Variants in CTNNA2 observed in about 807,000 individuals in gnomAD.
CTNNA2 encodes the protein catenin alpha-2.
In CTNNA2, 42 loss-of-function variants were observed where a neutral mutation model predicts 101.0. That is an observed-to-expected ratio of 0.42 (90% CI 0.32 to 0.54). CTNNA2 has a LOEUF of 0.54. CTNNA2 is among the 20% of genes least tolerant of loss of function. The probability of loss-of-function intolerance (pLI) is 0.14; values close to 1 mark genes in which losing one functional copy is unlikely to be tolerated. For missense variants in CTNNA2, 871 were observed against 1,223.1 expected (o/e 0.71, Z 4.29); for synonymous variants, 450 against 456.4 (o/e 0.99, Z 0.18).
intron 1 of CTNNA2, among the ~76,000 whole-genome samples, chr2:79,635,785 T>G (rs886945519): frequency 6.6e-6 from 1 of 151,456 alleles, no homozygotes; most frequent in African/African-American, 2.4e-5. Flanking sequence ...ATTACAGGCA[T>G]GAGCCACCGT....
rs189885395 is a variant in CTNNA2, at chr2:79,541,392, G to C, written c.-6+28185G>C. Among the ~76,000 whole-genome samples the C allele has an allele frequency of 2.4e-4, 33 of 135,146 alleles. No homozygotes were observed. In the East Asian group the frequency reaches 7.3e-3, roughly 30 times the overall value. The allele number at this position is 135,146 out of a possible 152,430, so 88.7% of individuals were successfully genotyped here. On this transcript the variant is annotated intron_variant, in intron 1 of 18. Transcript: ENST00000402739. ...TATGTATAAATACATACATATACTT[G>C]TATACATATATACACATACACACAC...
chr2:79,903,540 C>G (rs1159846828), intron 6 of CTNNA2, among the ~76,000 whole-genome samples: 1 of 152,156 alleles, frequency 6.6e-6, no homozygotes, highest in Non-Finnish European at 1.5e-5. Flanking sequence ...CCAACTGCAT[C>G]TCCCATTCCT....
intron 9 of CTNNA2, among the ~76,000 whole-genome samples, chr2:80,505,884 A>C (rs565362589): frequency 2.0e-5 from 3 of 152,258 alleles, no homozygotes; most frequent in South Asian, 4.1e-4. Flanking sequence ...TTTTTTGAGA[A>C]AGCTGCAGCT....
chr2:79,617,186 G>A (rs1678685687), intron 1 of CTNNA2, among the ~76,000 whole-genome samples: 1 of 152,112 alleles, frequency 6.6e-6, no homozygotes, highest in Admixed American at 6.6e-5. Context: ...ACAGGTGTGA[G>A]CCATCGCGTT....
intron 1 of CTNNA2, among the ~76,000 whole-genome samples, chr2:79,185,730 A>C (rs1673769041): frequency 6.6e-6 from 1 of 152,186 alleles, no homozygotes; most frequent in South Asian, 2.1e-4. Context: ...AGTATTTAAT[A>C]AATGTTAATT....
intron 4 of CTNNA2, among the ~76,000 whole-genome samples, chr2:79,389,244 A>G (rs1181800215): frequency 6.6e-6 from 1 of 152,220 alleles, no homozygotes; most frequent in African/African-American, 2.4e-5. Context: ...CCAATTGGAT[A>G]TACTAATTTA....
At chr2:79,309,615 A>G (rs983000072) in intron 2 of CTNNA2, among the ~76,000 whole-genome samples, 2 of 135,790 alleles carry the variant, frequency 1.5e-5, no homozygotes, top group African/African-American at 5.9e-5. Context: ...AGGCTACCAT[A>G]TTTGTGTAAG....
intron 4 of CTNNA2, chr2:79,500,923 C>A (rs1350228712): frequency 1.3e-5 from 2 of 152,222 alleles, no homozygotes; most frequent in Non-Finnish European, 2.9e-5. Flanking sequence ...TCTGATTACA[C>A]CGTTTTGTCA....
In CTNNA2 at chr2:79,539,344, G is replaced by C. The variant is rs35748328; in HGVS notation, c.-6+26137G>C. On this transcript the variant is annotated intron_variant, in intron 1 of 18. Coordinates refer to ENST00000402739, the MANE Select transcript of CTNNA2 (RefSeq NM_001282597.3). Reference sequence around the variant, plus strand: ...AGAGCGTGTTTAGAAAGTGTGAAAGGCCTCGAGAAGGCCATTGGAAATGCT... The same window carrying C: ...AGAGCGTGTTTAGAAAGTGTGAAAGCCCTCGAGAAGGCCATTGGAAATGCT... Among the ~76,000 whole-genome samples, 598 of 152,274 alleles carry C rather than the reference G, an allele frequency of 3.9e-3. 3 individuals are homozygous for C. Among genetic ancestry groups the C allele is most frequent in the African/African-American group, 0.012 (513 of 41,560 alleles).
chr2:80,041,809 A>G (rs1409890797), intron 7 of CTNNA2, among the ~76,000 whole-genome samples: 1 of 152,178 alleles, frequency 6.6e-6, no homozygotes, highest in Non-Finnish European at 1.5e-5. Flanking sequence ...TTGCTTCTAG[A>G]CATGCGGATT....
At chr2:80,569,217 C>T (rs918569716) in intron 12 of CTNNA2, among the ~76,000 whole-genome samples, 2 of 150,068 alleles carry the variant, frequency 1.3e-5, no homozygotes, top group East Asian at 2.0e-4. Context: ...TTTAGGATCT[C>T]GATCAACACT....
chr2:80,316,320 A>G (rs931151311), intron 7 of CTNNA2, among the ~76,000 whole-genome samples: 3 of 152,192 alleles, frequency 2.0e-5, no homozygotes, highest in African/African-American at 4.8e-5. Flanking sequence ...AGGCAGCACC[A>G]TTCAGATATT....
chr2:80,141,560 G>GC (rs1703012360), intron 7 of CTNNA2, among the ~76,000 whole-genome samples: 1 of 152,072 alleles, frequency 6.6e-6, no homozygotes, highest in Non-Finnish European at 1.5e-5. Flanking sequence ...GAAAGAGCAA[G>GC]CCCAAGTGAG....
intron 7 of CTNNA2, among the ~76,000 whole-genome samples, chr2:80,088,711 T>C (rs1392485983): frequency 6.6e-6 from 1 of 151,952 alleles, no homozygotes; most frequent in African/African-American, 2.4e-5. Context: ...TGTTCACTTA[T>C]GGGAGAAAAA....
chr2:79,769,601 A>C (rs1413717900), intron 3 of CTNNA2, among the ~76,000 whole-genome samples: 3 of 152,212 alleles, frequency 2.0e-5, no homozygotes, highest in African/African-American at 7.2e-5. Flanking sequence ...CTATCCAATA[A>C]TTACAACTGG....
At chr2:80,211,362 A>G (rs1175787679) in intron 7 of CTNNA2, among the ~76,000 whole-genome samples, 1 of 152,174 alleles carries the variant, frequency 6.6e-6, no homozygotes, top group East Asian at 1.9e-4. Context: ...CTAATATTTA[A>G]GTCTTTAATC....
chr2:79,330,393 A>G (rs1229912648), intron 3 of CTNNA2, among the ~76,000 whole-genome samples: 1 of 152,146 alleles, frequency 6.6e-6, no homozygotes, highest in African/African-American at 2.4e-5. Flanking sequence ...AGGCAGAAGG[A>G]CAGTATAACT....
intron 3 of CTNNA2, among the ~76,000 whole-genome samples, chr2:79,825,048 G>T (rs998781568): frequency 2.0e-5 from 3 of 152,074 alleles, no homozygotes; most frequent in African/African-American, 7.2e-5. Context: ...AATTAGCTGG[G>T]CATGGTGGAA....
chr2:79,686,111 A>AGAAAC (rs1160100996), intron 2 of CTNNA2, among the ~76,000 whole-genome samples: 1 of 152,186 alleles, frequency 6.6e-6, no homozygotes, highest in African/African-American at 2.4e-5. Context: ...AGAGTGATTA[A>AGAAAC]GAAACGTAAA....
Sources: gnomAD v4.1 joint callset for allele counts (sites outside exome capture counted in the v4.1 genomes callset) on GRCh38, gnomAD v4.1.1 for gene constraint, MANE v1.5 for transcripts, NCBI Gene and HGNC (gene_info 2026-07-23, HGNC 2026-07-21) for gene names.